The following ASB7 variants were observed in gnomAD, a reference collection of about 807,000 sequenced individuals.
The protein encoded by ASB7 is ankyrin repeat and SOCS box containing 7.
In ASB7, 4 loss-of-function variants were observed where a neutral mutation model predicts 32.5. The ratio of observed to expected loss-of-function variants is 0.12; its 90% CI spans 0.06 to 0.28. ASB7 has a LOEUF of 0.28. ASB7 is among the 10% of genes least tolerant of loss of function. The probability of loss-of-function intolerance (pLI) is 1.00; values close to 1 mark genes in which losing one functional copy is unlikely to be tolerated. For missense variants in ASB7, 181 were observed against 407.1 expected (o/e 0.44, Z 4.78); for synonymous variants, 172 against 155.6 (o/e 1.11, Z -0.78).
At position 100,651,480 on chromosome 15, in the gene ASB7, T is replaced by C. The variant is rs987503037; in HGVS notation, c.*3018T>C. 1.3e-5 allele frequency: 2 copies of C among 152,174 alleles called. No individual in the cohort carries two copies. Among genetic ancestry groups the C allele is most frequent in the African/African-American group, 4.8e-5 (2 of 41,432 alleles). The allele number at this position is 152,174 out of a possible 1,614,324, so 9.4% of individuals were successfully genotyped here. Reference sequence around the variant, plus strand: ...ATGCACACCCCAAGAGACAAGAATGTGTAGTTTAATGACCGGCGTGGACCA... The same window carrying C: ...ATGCACACCCCAAGAGACAAGAATGCGTAGTTTAATGACCGGCGTGGACCA... On this transcript the variant is annotated 3_prime_UTR_variant, in exon 6 of 6. Coordinates refer to ENST00000332783, the MANE Select transcript of ASB7 (RefSeq NM_198243.3).
chr15:100,617,589 G>C (rs919014625), intron 4 of ASB7, among the ~76,000 whole-genome samples: 7 of 152,324 alleles, frequency 4.6e-5, no homozygotes, highest in Admixed American at 3.3e-4. Flanking sequence ...TATATATCCA[G>C]ACCAGGTTAC....
intron 5 of ASB7, among the ~76,000 whole-genome samples, chr15:100,647,696 C>T (rs1007860026): frequency 6.6e-6 from 1 of 152,174 alleles, no homozygotes; most frequent in Non-Finnish European, 1.5e-5. Context: ...CTGCTGCACT[C>T]CTCAACTGTC....
chr15:100,648,235 TTCC>T (rs2040009332), intron 5 of ASB7, 85 bp from the exon 6 acceptor site: 2 of 1,370,402 alleles, frequency 1.5e-6, no homozygotes, highest in Non-Finnish European at 2.0e-6. Flanking sequence ...TAGAGAGAAC[TTCC>T]AGGGAAATGA....
At chr15:100,625,130 C>T (rs78022172) in intron 4 of ASB7, among the ~76,000 whole-genome samples, 5,700 of 152,206 alleles carry the variant, frequency 0.037, 130 homozygotes, top group Middle Eastern at 0.068. Context: ...TACAGCTTCC[C>T]GGGTGGTGAA....
At chr15:100,610,584 G>A (rs374284436) in intron 3 of ASB7, among the ~76,000 whole-genome samples, 2 of 152,146 alleles carry the variant, frequency 1.3e-5, no homozygotes, top group South Asian at 2.1e-4. Flanking sequence ...TTAAATTTGA[G>A]CACTTAGTTG....
intron 5 of ASB7, among the ~76,000 whole-genome samples, chr15:100,643,410 T>G (rs759820044): frequency 3.4e-4 from 51 of 151,654 alleles, no homozygotes; most frequent in Non-Finnish European, 6.9e-4. Context: ...GAGAGAACAG[T>G]CTGTCACAAA....
intron 5 of ASB7, among the ~76,000 whole-genome samples, chr15:100,632,030 A>G (rs1597008195): frequency 6.6e-6 from 1 of 152,240 alleles, no homozygotes; most frequent in Admixed American, 6.5e-5. Flanking sequence ...GCTGGGCAGG[A>G]CAAGCACGTG....
chr15:100,640,101 C>T (rs1215707525), intron 5 of ASB7, among the ~76,000 whole-genome samples: 1 of 152,124 alleles, frequency 6.6e-6, no homozygotes, highest in Admixed American at 6.5e-5. Context: ...AATTCAGAGG[C>T]AAGAGCAAAG....
intron 5 of ASB7, chr15:100,645,594 A>T: frequency 2.7e-6 from 2 of 737,462 alleles, no homozygotes; most frequent in Non-Finnish European, 5.0e-6. Context: ...TTATATAAGG[A>T]TCCTGAAATC....
At chr15:100,613,548 T>A (rs980511042) in intron 4 of ASB7, among the ~76,000 whole-genome samples, 1 of 152,220 alleles carries the variant, frequency 6.6e-6, no homozygotes, top group African/African-American at 2.4e-5. Context: ...CATTTCACCT[T>A]ACAACACAAA....
intron 2 of ASB7, among the ~76,000 whole-genome samples, chr15:100,606,433 A>G (rs1171331284): frequency 6.6e-6 from 1 of 152,220 alleles, no homozygotes; most frequent in Non-Finnish European, 1.5e-5. Flanking sequence ...CTAATCATTT[A>G]TGCCAAAGGA....
intron 2 of ASB7, among the ~76,000 whole-genome samples, chr15:100,608,807 G>A (rs1431241523): frequency 6.6e-6 from 1 of 152,194 alleles, no homozygotes; most frequent in Non-Finnish European, 1.5e-5. Flanking sequence ...TGAGAATAGA[G>A]GAAAAGAGAG....
chr15:100,635,199 T>C (rs555450250), intron 5 of ASB7, among the ~76,000 whole-genome samples: 11 of 152,322 alleles, frequency 7.2e-5, no homozygotes, highest in Non-Finnish European at 1.6e-4. Flanking sequence ...GAATTTCACC[T>C]CCTCAGAGCT....
intron 5 of ASB7, among the ~76,000 whole-genome samples, chr15:100,645,244 C>T (rs1376460829): frequency 6.6e-6 from 1 of 151,956 alleles, no homozygotes; most frequent in East Asian, 1.9e-4. Flanking sequence ...TAAACACGAA[C>T]TTTTGTATTA....
intron 5 of ASB7, chr15:100,630,303 A>C (rs905103116): frequency 2.6e-6 from 2 of 773,102 alleles, no homozygotes; most frequent in Non-Finnish European, 3.5e-6. Context: ...GACAGAGAGG[A>C]GAATTTTTTT....
At chr15:100,621,670 T>G (rs1438442332) in intron 4 of ASB7, among the ~76,000 whole-genome samples, 1 of 152,078 alleles carries the variant, frequency 6.6e-6, no homozygotes, top group African/African-American at 2.4e-5. Flanking sequence ...AGGAGCTATA[T>G]TGAAACAGTT....
intron 5 of ASB7, among the ~76,000 whole-genome samples, chr15:100,647,849 C>T (rs1034349813): frequency 3.3e-5 from 5 of 152,092 alleles, no homozygotes; most frequent in Admixed American, 2.6e-4. Flanking sequence ...AAGGGAGGCT[C>T]ACAATAGGGG....
intron 5 of ASB7, among the ~76,000 whole-genome samples, chr15:100,630,413 G>A (rs4965326): frequency 0.67 from 101,436 of 152,018 alleles, 34,250 homozygotes; most frequent in East Asian, 0.82. Flanking sequence ...AGTTAGAGGG[G>A]GAATTTTGGA....
In ASB7 at chr15:100,649,078, T is replaced by C. The variant is rs2040014581; in HGVS notation, c.*616T>C. 6.6e-6 allele frequency: 1 copy of C among 152,658 alleles called. No homozygotes were observed. Among genetic ancestry groups the C allele is most frequent in the African/African-American group, 2.4e-5 (1 of 41,452 alleles). The allele number at this position is 152,658 out of a possible 1,614,324, so 9.5% of individuals were successfully genotyped here. A position where few individuals can be genotyped will look rare whatever the true frequency, so the allele number is the denominator to read the frequency against. On this transcript the variant is annotated 3_prime_UTR_variant, in exon 6 of 6. Transcript: ENST00000332783. ...CTGCTTTTCTTTTGCTGTGCTCTTGTTTTTAACTTATTTTTTTTTTAACAA... is the reference window on the plus strand; with the variant it reads ...CTGCTTTTCTTTTGCTGTGCTCTTGCTTTTAACTTATTTTTTTTTTAACAA...
Sources: allele counts gnomAD v4.1 joint callset (sites outside exome capture counted in the v4.1 genomes callset), GRCh38; gene constraint gnomAD v4.1.1; transcripts MANE v1.5; gene names NCBI Gene and HGNC (gene_info 2026-07-23, HGNC 2026-07-21).